The following ARHGAP5 variants were observed in gnomAD, a reference collection of about 807,000 sequenced individuals.
ARHGAP5 encodes the protein Rho GTPase activating protein 5.
Under a neutral mutation model 116.6 loss-of-function variants are expected in ARHGAP5, and 23 were observed. That is an observed-to-expected ratio of 0.20 (90% CI 0.14 to 0.28). The LOEUF (loss-of-function observed/expected upper bound fraction) is 0.28. ARHGAP5 is among the 10% of genes least tolerant of loss of function. ARHGAP5 has a pLI of 1.00. For synonymous variants in ARHGAP5, 574 were observed against 602.0 expected, an observed-to-expected ratio of 0.95 and a Z score of 0.68; for missense variants, 1,405 against 1,774.8, an observed-to-expected ratio of 0.79 and a Z score of 3.74.
intron 4 of ARHGAP5, among the ~76,000 whole-genome samples, chr14:32,149,505 C>A (rs898361342): frequency 6.6e-6 from 1 of 152,118 alleles, no homozygotes; most frequent in Non-Finnish European, 1.5e-5. Flanking sequence ...CGCCGTGGCT[C>A]ATGCCTGTAA....
intron 2 of ARHGAP5, among the ~76,000 whole-genome samples, chr14:32,096,335 C>T (rs1878526664): frequency 6.6e-6 from 1 of 152,030 alleles, no homozygotes. Context: ...AGTCAGGAGG[C>T]AGATTTAGGC....
At chr14:32,131,574 TTTG>T (rs1056881464) in intron 3 of ARHGAP5, among the ~76,000 whole-genome samples, 2 of 151,718 alleles carry the variant, frequency 1.3e-5, no homozygotes, top group African/African-American at 4.9e-5. Context: ...TGTTTTTGTT[TTTG>T]TTTTTTGTTT....
chr14:32,159,543 C>T lies in ARHGAP5; in HGVS notation c.*4595C>T, dbSNP rs1882025371. 6.6e-6 allele frequency: 1 copy of T among 152,072 alleles called. No individual in the cohort carries two copies. Among genetic ancestry groups the T allele is most frequent in the Admixed American group, 6.6e-5 (1 of 15,258 alleles). The allele number at this position is 152,072 out of a possible 1,614,324, so 9.4% of individuals were successfully genotyped here. A position where few individuals can be genotyped will look rare whatever the true frequency, so the allele number is the denominator to read the frequency against. ...AGTTTTAAGTGTGTATATGTATTTG[C>T]TCACCAGATCATTTTCTTGGGACCT... On this transcript the variant is annotated 3_prime_UTR_variant, in exon 7 of 7. Coordinates refer to ENST00000345122, the MANE Select transcript of ARHGAP5 (RefSeq NM_001030055.2).
At position 32,093,743 on chromosome 14, in the gene ARHGAP5, C is replaced by A; in HGVS notation, c.3074C>A (p.Pro1025Gln). Residue 1025 changes from proline to glutamine, a missense_variant, in exon 2 of 7, where the codon CCA (proline) becomes CAA (glutamine). This residue lies in a region of ARHGAP5 where 944 missense variants were observed against 1,095.3 expected (regional missense o/e 0.86). Transcript: ENST00000345122. ...AATGAGTATCCTATTCATAGTACCCCAAACTGTCATGACCATGAACGCAAC... is the reference window on the plus strand; with the variant it reads ...AATGAGTATCCTATTCATAGTACCCAAAACTGTCATGACCATGAACGCAAC... ...EGNEYPIHST[P>Q]NCHDHERNHK... The A allele has an allele frequency of 6.2e-7, 1 of 1,614,066 alleles. No homozygotes were observed. Among genetic ancestry groups the A allele is most frequent in the Non-Finnish European group, 8.5e-7 (1 of 1,179,974 alleles).
In ARHGAP5 at chr14:32,147,282, A is replaced by G. The variant is rs191167029; in HGVS notation, c.3943+942A>G. 2.6e-5 allele frequency among the ~76,000 whole-genome samples: 4 copies of G among 152,352 alleles called. No homozygotes were observed. In the East Asian group the frequency reaches 7.7e-4, roughly 29 times the overall value. On this transcript the variant is annotated intron_variant, in intron 4 of 6. Transcript: ENST00000345122. ...CCCAAGTTGATAGACTGGACTATGTACATGCTAAAATTTTACAAAAATGTA... is the reference window on the plus strand; with the variant it reads ...CCCAAGTTGATAGACTGGACTATGTGCATGCTAAAATTTTACAAAAATGTA...
At chr14:32,082,298 A>G (rs1252664638) in intron 1 of ARHGAP5, among the ~76,000 whole-genome samples, 1 of 152,204 alleles carries the variant, frequency 6.6e-6, no homozygotes, top group East Asian at 1.9e-4. Flanking sequence ...AAATGGTCTC[A>G]TAGGTAATTT....
At position 32,077,333 on chromosome 14, in the gene ARHGAP5, A is replaced by AGGAGGC. The variant is rs1450519302; in HGVS notation, c.-268_-263dup. The stretch of plus-strand genomic sequence containing the variant: ...AAGAGAGGCGAGCGGAGAGTGGAGG[A>AGGAGGC]GGAGGCGGCGGCGGCGGGAGCGGTC... On this transcript the variant is annotated 5_prime_UTR_variant, in exon 1 of 7. Transcript: ENST00000345122. The AGGAGGC allele has an allele frequency of 4.8e-6, 3 of 625,490 alleles. No homozygotes were observed. The African/African-American group carries it at 5.6e-5, about 12-fold the overall frequency. The allele number at this position is 625,490 out of a possible 1,614,324, so 38.7% of individuals were successfully genotyped here.
intron 3 of ARHGAP5, among the ~76,000 whole-genome samples, chr14:32,118,373 T>A (rs1270533751): frequency 6.6e-6 from 1 of 152,080 alleles, no homozygotes; most frequent in East Asian, 1.9e-4. Flanking sequence ...GGTTTGTGCC[T>A]GTAGTCCCAG....
In ARHGAP5 at chr14:32,154,724, T is replaced by A. The variant is rs1244691438; in HGVS notation, c.4285T>A (p.Ser1429Thr). 2 of 1,614,160 alleles carry A rather than the reference T, an allele frequency of 1.2e-6. No individual in the cohort carries two copies. Among genetic ancestry groups the A allele is most frequent in the Non-Finnish European group, 1.7e-6 (2 of 1,179,990 alleles). Residue 1429 changes from serine to threonine, a missense_variant, in exon 7 of 7, where the codon TCT (serine) becomes ACT (threonine). Transcript: ENST00000345122. ...TGATTTTGAAAATCGAGAGTTTCTG[T>A]CTACTACTAAGATTCATCAATCTGT... ...RPDFENREFL[S>T]TTKIHQSVVE...
chr14:32,125,536 C>T lies in ARHGAP5; in HGVS notation c.3865+8249C>T, dbSNP rs140232383. On this transcript the variant is annotated intron_variant, in intron 3 of 6. Transcript: ENST00000345122. ...GATCATATGGTAATTCTGTGTTTAA[C>T]TTCTTGAGGAACTGTCAAATTGTTT... 4.1e-3 allele frequency among the ~76,000 whole-genome samples: 622 copies of T among 152,246 alleles called. 6 individuals carry two copies. Among genetic ancestry groups the T allele is most frequent in the African/African-American group, 0.015 (604 of 41,540 alleles).
chr14:32,096,826 C>G (rs146356478), intron 2 of ARHGAP5, among the ~76,000 whole-genome samples: 1 of 152,270 alleles, frequency 6.6e-6, no homozygotes, highest in African/African-American at 2.4e-5. Context: ...AATTCTAAAA[C>G]CAGACAAGAA....
chr14:32,093,854 T>A lies in ARHGAP5; in HGVS notation c.3185T>A (p.Ile1062Asn). Residue 1062 changes from isoleucine to asparagine, a missense_variant, in exon 2 of 7, where the codon ATT becomes AAT. Physicochemically the swap from Ile to Asn is moderately radical, Grantham distance 149. This residue lies in a region of ARHGAP5 where 944 missense variants were observed against 1,095.3 expected (regional missense o/e 0.86). Transcript: ENST00000345122. ...KKLDPNLLKT[I>N]EAGIGKNPRK... ...CTCGATCCAAACCTTTTAAAAACAA[T>A]TGAAGCTGGTATTGGTAAAAATCCA... is the stretch of plus-strand genomic sequence containing the variant. The A allele has an allele frequency of 6.2e-7, 1 of 1,613,904 alleles. No homozygotes were observed.
rs534819448 is a variant in ARHGAP5, at chr14:32,084,621, A to G, written c.-168-5881A>G. ...TCCAAAACAAAATCCCAATGCTTCT[A>G]CGTTATTTAGTCACCACGTAAATTG... On this transcript the variant is annotated intron_variant, in intron 1 of 6. Transcript: ENST00000345122. Among the ~76,000 whole-genome samples, 11 of 152,256 alleles carry G rather than the reference A, an allele frequency of 7.2e-5. No individual in the cohort carries two copies. In the South Asian group the frequency reaches 2.1e-3, roughly 29 times the overall value.
chr14:32,079,915 GTGT>G (rs2041755277), intron 1 of ARHGAP5, among the ~76,000 whole-genome samples: 2 of 152,132 alleles, frequency 1.3e-5, no homozygotes, highest in South Asian at 2.1e-4. Context: ...GCATTGTACA[GTGT>G]TGTTTTAGTG....
intron 2 of ARHGAP5, among the ~76,000 whole-genome samples, chr14:32,115,139 T>C (rs141769440): frequency 8.2e-4 from 125 of 152,308 alleles, no homozygotes; most frequent in African/African-American, 2.6e-3. Context: ...AGTAGAGTCA[T>C]CTGTAGGAAT....
intron 2 of ARHGAP5, 84 bp downstream of exon 2, chr14:32,094,470 G>C: frequency 9.6e-7 from 1 of 1,037,342 alleles, no homozygotes; most frequent in Non-Finnish European, 1.4e-6. Flanking sequence ...TTAGAATTTA[G>C]TCTCATTCAT....
At chr14:32,102,800 A>C (rs1471073596) in intron 2 of ARHGAP5, among the ~76,000 whole-genome samples, 1 of 152,206 alleles carries the variant, frequency 6.6e-6, no homozygotes, top group East Asian at 1.9e-4. Context: ...GTGTTTAACT[A>C]CAATTTATTT....
At chr14:32,111,103 A>G (rs1879270364) in intron 2 of ARHGAP5, among the ~76,000 whole-genome samples, 1 of 152,182 alleles carries the variant, frequency 6.6e-6, no homozygotes, top group Admixed American at 6.5e-5. Context: ...GTATAGATGG[A>G]AAAAAGAAGA....
chr14:32,091,867 A>G lies in ARHGAP5; in HGVS notation c.1198A>G (p.Ile400Val). The change falls in exon 2 of 7, where the codon ATT becomes GTT. Residue 400 changes from isoleucine to valine, a missense_variant. Around this residue, in one of 6 missense-constraint regions of ARHGAP5, gnomAD observed 944 missense variants for 1,095.3 expected, o/e 0.86. Coordinates refer to ENST00000345122, the MANE Select transcript of ARHGAP5 (RefSeq NM_001030055.2). ...DHIDKINDRR[I>V]PFDLLSTLEA... ...TATAGACAAAATTAATGATAGGCGG[A>G]TTCCATTTGACCTCCTGAGCACTTT... 6.2e-7 allele frequency: 1 copy of G among 1,613,540 alleles called. No individual in the cohort carries two copies. The highest frequency in any genetic ancestry group is 1.1e-5 in the South Asian group (1 of 91,020).
Sources: allele counts gnomAD v4.1 joint callset (sites outside exome capture counted in the v4.1 genomes callset), GRCh38; gene constraint gnomAD v4.1.1; regional missense constraint gnomAD v4.1.1; transcripts MANE v1.5; gene names NCBI Gene and HGNC (gene_info 2026-07-23, HGNC 2026-07-21).